DNM3: variants seen among roughly 807,000 people sequenced by gnomAD.
DNM3 encodes dynamin 3.
A neutral mutation model predicts 101.6 loss-of-function variants in DNM3; 47 were observed. That is an observed-to-expected ratio of 0.46 (90% CI 0.37 to 0.59). DNM3 has a LOEUF of 0.59. DNM3 is among the 20% of genes least tolerant of loss of function. DNM3 has a pLI of 0.00. For synonymous variants in DNM3, 385 were observed against 387.9 expected, an observed-to-expected ratio of 0.99 and a Z score of 0.09; for missense variants, 849 against 1,085.7, an observed-to-expected ratio of 0.78 and a Z score of 3.06.
chr1:172,082,324 TG>T (rs970744242), intron 12 of DNM3, among the ~76,000 whole-genome samples: 2 of 148,750 alleles, frequency 1.3e-5, no homozygotes, highest in Admixed American at 6.6e-5. Flanking sequence ...TCTAGAGGCC[TG>T]TTTTTTTTTT....
chr1:171,961,822 T>C lies in DNM3; in HGVS notation c.236-25834T>C, dbSNP rs183950604. 2.5e-3 allele frequency among the ~76,000 whole-genome samples: 388 copies of C among 152,284 alleles called. 1 individual carries two copies. The highest frequency in any genetic ancestry group is 8.8e-3 in the African/African-American group (365 of 41,566). ...TGCAACAGGATGAACTTGAAAACAT[T>C]ATGCTAAGTAAAATAAGCCAGCCAC... On this transcript the variant is annotated intron_variant, in intron 2 of 20. Transcript: ENST00000627582.
chr1:171,841,498 A>T lies in DNM3; in HGVS notation c.-159A>T. 9.6e-7 allele frequency: 1 copy of T among 1,042,536 alleles called. No homozygotes were observed. The highest frequency in any genetic ancestry group is 1.8e-5 in the South Asian group (1 of 54,726). 64.6% of individuals were successfully genotyped at this position (1,042,536 alleles called of 1,614,324 possible). On this transcript the variant is annotated 5_prime_UTR_variant, in exon 1 of 21. Coordinates refer to ENST00000627582, the MANE Select transcript of DNM3 (RefSeq NM_015569.5). ...GGCGCGCTGCGGGTCGTTAGCTGTC[A>T]GAGCCAAGCGGCGGGCTGGCGGCGG...
At chr1:171,845,853 A>G (rs1351746182) in intron 1 of DNM3, among the ~76,000 whole-genome samples, 1 of 152,230 alleles carries the variant, frequency 6.6e-6, no homozygotes, top group African/African-American at 2.4e-5. Context: ...CACGCTTGTT[A>G]GAAATATTAG....
intron 13 of DNM3, among the ~76,000 whole-genome samples, chr1:172,109,631 C>T (rs955170831): frequency 6.6e-6 from 1 of 152,192 alleles, no homozygotes; most frequent in Non-Finnish European, 1.5e-5. Flanking sequence ...TGCAAAGCCT[C>T]GCTGTTTGAG....
chr1:171,857,803 C>T (rs1076700), intron 1 of DNM3, among the ~76,000 whole-genome samples: 88,594 of 151,824 alleles, frequency 0.58, 26,058 homozygotes, highest in East Asian at 0.8. Context: ...CCAAATATAA[C>T]GATATTTGGA....
chr1:172,328,559 G>A (rs773362973), intron 17 of DNM3, among the ~76,000 whole-genome samples: 3 of 152,088 alleles, frequency 2.0e-5, no homozygotes, highest in Non-Finnish European at 2.9e-5. Flanking sequence ...AATACCACAG[G>A]TTCTCACTTG....
chr1:172,236,832 A>T (rs916787614), intron 14 of DNM3, among the ~76,000 whole-genome samples: 2 of 152,062 alleles, frequency 1.3e-5, no homozygotes, highest in African/African-American at 4.8e-5. Context: ...CCACTACCCT[A>T]CTTCCTTGCT....
chr1:172,193,734 ATT>A (rs2148451973), intron 14 of DNM3, among the ~76,000 whole-genome samples: 1 of 152,052 alleles, frequency 6.6e-6, no homozygotes, highest in South Asian at 2.1e-4. Flanking sequence ...TGTTGCATCT[ATT>A]TGATTCTTCT....
chr1:172,239,800 C>CTTTT (rs71107343), intron 14 of DNM3, among the ~76,000 whole-genome samples: 2 of 108,382 alleles, frequency 1.8e-5, no homozygotes, highest in African/African-American at 3.8e-5. Flanking sequence ...TTTTTTTTCT[C>CTTTT]TTTTTTTTTT....
intron 14 of DNM3, among the ~76,000 whole-genome samples, chr1:172,181,204 T>C (rs1462169140): frequency 6.6e-6 from 1 of 152,060 alleles, no homozygotes; most frequent in Admixed American, 6.6e-5. Flanking sequence ...GTTGGTTCTT[T>C]TTGGCAAAGG....
Position 172,253,699 on chromosome 1 carries a change from G to T in DNM3, c.1769+17G>T. On this transcript the variant is annotated intron_variant, in intron 15 of 20. Coordinates refer to ENST00000627582, the MANE Select transcript of DNM3 (RefSeq NM_015569.5). ...AGAGCAAAGGTAAGAAATTGAAACA[G>T]TTCCTGTCTTCAGATTTTTTTCCTT... 6.7e-7 allele frequency: 1 copy of T among 1,499,778 alleles called. No individual in the cohort carries two copies. Among genetic ancestry groups the T allele is most frequent in the Non-Finnish European group, 9.0e-7 (1 of 1,112,882 alleles). The allele number at this position is 1,499,778 out of a possible 1,614,324, so 92.9% of individuals were successfully genotyped here.
At chr1:172,311,033 A>C (rs774473919) in intron 16 of DNM3, 6 of 152,148 alleles carry the variant, frequency 3.9e-5, no homozygotes, top group Non-Finnish European at 7.4e-5. Flanking sequence ...CTTATTTCTG[A>C]GATGAAGATA....
At chr1:172,232,858 A>G (rs1285608339) in intron 14 of DNM3, among the ~76,000 whole-genome samples, 2 of 152,256 alleles carry the variant, frequency 1.3e-5, no homozygotes, top group Non-Finnish European at 2.9e-5. Flanking sequence ...AAGGCACAAC[A>G]TACCAGAATC....
intron 14 of DNM3, among the ~76,000 whole-genome samples, chr1:172,244,705 A>G (rs1468187232): frequency 6.6e-6 from 1 of 152,272 alleles, no homozygotes; most frequent in East Asian, 1.9e-4. Context: ...TCAGGAAACA[A>G]CAGGTGCTGG....
chr1:171,963,782 A>ATG (rs398103371), intron 2 of DNM3, among the ~76,000 whole-genome samples: 2 of 150,282 alleles, frequency 1.3e-5, no homozygotes, highest in African/African-American at 4.9e-5. Context: ...ATATATATAT[A>ATG]AAATCACAGC....
intron 10 of DNM3, among the ~76,000 whole-genome samples, chr1:172,057,320 C>T (rs201502990): frequency 0.021 from 3,174 of 152,054 alleles, 52 homozygotes; most frequent in East Asian, 0.043. Context: ...CAGGCCAACG[C>T]TCAGATTCAG....
At chr1:172,355,309 A>G (rs1254086219) in intron 17 of DNM3, among the ~76,000 whole-genome samples, 3 of 152,140 alleles carry the variant, frequency 2.0e-5, no homozygotes, top group South Asian at 2.1e-4. Flanking sequence ...AAGATTTTGG[A>G]CTATATTTAA....
chr1:171,859,862 A>T (rs780969616), intron 1 of DNM3, among the ~76,000 whole-genome samples: 38 of 152,148 alleles, frequency 2.5e-4, no homozygotes, highest in Admixed American at 1.3e-4. Context: ...GCCAGGAAAA[A>T]GCATTCCTTG....
intron 14 of DNM3, among the ~76,000 whole-genome samples, chr1:172,205,132 T>C (rs2060281346): frequency 6.6e-6 from 1 of 152,170 alleles, no homozygotes; most frequent in South Asian, 2.1e-4. Flanking sequence ...CTTCTGATCA[T>C]GGGTAATAGT....
Sources: allele counts gnomAD v4.1 joint callset (sites outside exome capture counted in the v4.1 genomes callset), GRCh38; gene constraint gnomAD v4.1.1; transcripts MANE v1.5; gene names NCBI Gene and HGNC (gene_info 2026-07-23, HGNC 2026-07-21).